The following GOLT1B variants were observed in gnomAD, a reference collection of about 807,000 sequenced individuals.
The protein encoded by GOLT1B is vesicle transport protein GOT1B.
In GOLT1B, 3 loss-of-function variants were observed where a neutral mutation model predicts 15.4. The observed-to-expected ratio is 0.19, with a 90% CI of 0.09 to 0.50. The LOEUF is 0.50. Among genes scored for constraint, GOLT1B ranks in the 20% least tolerant of loss-of-function variants. GOLT1B has a pLI of 0.97. For synonymous variants in GOLT1B, 65 were observed against 56.2 expected (o/e 1.16, Z -0.70); for missense variants, 145 against 160.4 (o/e 0.90, Z 0.52).
At chr12:21,507,645 T>A (rs939956852) in intron 2 of GOLT1B, among the ~76,000 whole-genome samples, 1 of 152,080 alleles carries the variant, frequency 6.6e-6, no homozygotes, top group Non-Finnish European at 1.5e-5. Flanking sequence ...ATAGCATTAG[T>A]ATCCTAGAAT....
chr12:21,509,481 A>G (rs1307249777), intron 3 of GOLT1B, among the ~76,000 whole-genome samples: 1 of 151,714 alleles, frequency 6.6e-6, no homozygotes, highest in East Asian at 1.9e-4. Context: ...CCAGAAATGC[A>G]TATCCTTTGT....
chr12:21,506,363 G>T (rs1943678621), intron 1 of GOLT1B, among the ~76,000 whole-genome samples: 1 of 152,058 alleles, frequency 6.6e-6, no homozygotes, highest in South Asian at 2.1e-4. Context: ...TGTTGCCATT[G>T]TGACAAGCAG....
At chr12:21,511,098 C>T (rs899900658) in intron 3 of GOLT1B, among the ~76,000 whole-genome samples, 2 of 152,132 alleles carry the variant, frequency 1.3e-5, no homozygotes, top group African/African-American at 4.8e-5. Flanking sequence ...CACAACTGTC[C>T]TCCACTCCCA....
Position 21,518,246 on chromosome 12 carries a change from T to C in GOLT1B, c.*2539T>C, listed in dbSNP as rs139781385. 1.2e-4 allele frequency: 18 copies of C among 152,300 alleles called. No individual in the cohort carries two copies. The East Asian group carries it at 3.5e-3, about 29-fold the overall frequency. 9.4% of individuals were successfully genotyped at this position (152,300 alleles called of 1,614,324 possible). A position where few individuals can be genotyped will look rare whatever the true frequency, so the allele number is the denominator to read the frequency against. On this transcript the variant is annotated 3_prime_UTR_variant, in exon 5 of 5. Transcript: ENST00000229314. ...CCTCATTTTTAAAAAATTAGCCTTA[T>C]ATGCAGTGTTCTATTTATCAAATGA...
At chr12:21,515,632 G>C in intron 4 of GOLT1B, 37 bp from the exon 5 acceptor site, 1 of 1,075,562 alleles carries the variant, frequency 9.3e-7, no homozygotes, top group Non-Finnish European at 1.4e-6. Flanking sequence ...TAATGTTCCG[G>C]GCTTTCTTTA....
At chr12:21,509,607 A>G (rs1332680920) in intron 3 of GOLT1B, among the ~76,000 whole-genome samples, 1 of 152,152 alleles carries the variant, frequency 6.6e-6, no homozygotes, top group Non-Finnish European at 1.5e-5. Flanking sequence ...AAAAATACCA[A>G]TAGGATATAG....
intron 4 of GOLT1B, among the ~76,000 whole-genome samples, chr12:21,514,910 G>A (rs1943745233): frequency 6.6e-6 from 1 of 151,158 alleles, no homozygotes; most frequent in Non-Finnish European, 1.5e-5. Flanking sequence ...GAATTTGATA[G>A]TATAACCACC....
intron 3 of GOLT1B, among the ~76,000 whole-genome samples, chr12:21,510,463 A>C (rs907615876): frequency 1.3e-5 from 2 of 152,174 alleles, no homozygotes; most frequent in South Asian, 2.1e-4. Context: ...TATCATCGAC[A>C]AGCTTGGAGT....
chr12:21,510,871 T>TG lies in GOLT1B; in HGVS notation c.297-1424_297-1423insG, dbSNP rs775373686. On this transcript the variant is annotated intron_variant, in intron 3 of 4. Coordinates refer to ENST00000229314, the MANE Select transcript of GOLT1B (RefSeq NM_016072.5). The stretch of plus-strand genomic sequence containing the variant: ...AATTGTATTCATTGTAGTATTTTCA[T>TG]CCCTATCTAACTCTGTGAAGAAAAC... 3.3e-5 allele frequency among the ~76,000 whole-genome samples: 5 copies of TG among 152,234 alleles called. No individual in the cohort carries two copies. The East Asian group carries it at 9.6e-4, about 29-fold the overall frequency.
rs977297795 is a variant in GOLT1B, at chr12:21,509,782, A to G, written c.296+1221A>G. On this transcript the variant is annotated intron_variant, in intron 3 of 4. Transcript: ENST00000229314. ...AAGGGAACGACAGTTAACAGAAGGA[A>G]CAGACAGGGCCATAAAAACACACAG... is the stretch of plus-strand genomic sequence containing the variant. Among the ~76,000 whole-genome samples, 14 of 152,236 alleles carry G rather than the reference A, an allele frequency of 9.2e-5. No homozygotes were observed. The South Asian group carries it at 2.5e-3, about 27-fold the overall frequency.
intron 3 of GOLT1B, among the ~76,000 whole-genome samples, chr12:21,510,972 G>C (rs1017752575): frequency 3.3e-5 from 5 of 152,098 alleles, no homozygotes; most frequent in African/African-American, 1.2e-4. Flanking sequence ...GGGTTTTCCC[G>C]ATATCGCAAT....
rs1319189491 is a variant in GOLT1B, at chr12:21,517,511, A to G, written c.*1804A>G. 6.6e-6 allele frequency: 1 copy of G among 152,144 alleles called. No homozygotes were observed. The highest frequency in any genetic ancestry group is 6.5e-5 in the Admixed American group (1 of 15,282). 9.4% of individuals were successfully genotyped at this position (152,144 alleles called of 1,614,324 possible). Reference sequence around the variant, plus strand: ...CATATTTTTGACCCATATTATTTACAATGTCTTGATAATTCTACCTTTTTA... The same window carrying G: ...CATATTTTTGACCCATATTATTTACGATGTCTTGATAATTCTACCTTTTTA... On this transcript the variant is annotated 3_prime_UTR_variant, in exon 5 of 5. Transcript: ENST00000229314.
chr12:21,511,781 C>T (rs1943721818), intron 3 of GOLT1B, among the ~76,000 whole-genome samples: 1 of 152,208 alleles, frequency 6.6e-6, no homozygotes, highest in South Asian at 2.1e-4. Flanking sequence ...CTATTTCATT[C>T]TCTTCCTATA....
At chr12:21,508,620 C>G (rs1943696399) in intron 3 of GOLT1B, 59 bp downstream of exon 3, 3 of 833,386 alleles carry the variant, frequency 3.6e-6, no homozygotes, top group Non-Finnish European at 6.0e-6. Context: ...AGTACAAAAA[C>G]TCAGATATTT....
At chr12:21,502,891 A>G (rs536538424) in intron 1 of GOLT1B, among the ~76,000 whole-genome samples, 129 of 152,276 alleles carry the variant, frequency 8.5e-4, no homozygotes, top group Non-Finnish European at 1.6e-3. Flanking sequence ...ATATTTTAAG[A>G]CTTAAACAGT....
chr12:21,515,286 T>A, intron 4 of GOLT1B: 1 of 1,332,874 alleles, frequency 7.5e-7, no homozygotes, highest in Non-Finnish European at 1.0e-6. Flanking sequence ...TTGAAATATC[T>A]TATTGGGTTC....
chr12:21,511,326 G>C (rs934023804), intron 3 of GOLT1B, among the ~76,000 whole-genome samples: 2 of 151,930 alleles, frequency 1.3e-5, no homozygotes, highest in African/African-American at 4.8e-5. Context: ...GAGGGTCGCA[G>C]ATCCCCCCCC....
At chr12:21,515,028 G>C (rs1476809327) in intron 4 of GOLT1B, among the ~76,000 whole-genome samples, 1 of 150,684 alleles carries the variant, frequency 6.6e-6, no homozygotes, top group Non-Finnish European at 1.5e-5. Context: ...TTTATGTTTG[G>C]GGTGGAGTAA....
At position 21,508,471 on chromosome 12, in the gene GOLT1B, G is replaced by GT. The variant is rs1431738724; in HGVS notation, c.213dup (p.Leu72SerfsTer39). The stretch of plus-strand genomic sequence containing the variant: ...CAAAAACATAAAATGAAAGCTACAG[G>GT]TTTTTTTCTGGGTGGTGTATTTGTA... On this transcript the variant is annotated frameshift_variant, in exon 3 of 5. Coordinates refer to ENST00000229314, the MANE Select transcript of GOLT1B (RefSeq NM_016072.5). LOFTEE classifies it high-confidence loss of function. 2 of 1,587,222 alleles carry GT rather than the reference G, an allele frequency of 1.3e-6. No individual in the cohort carries two copies. The highest frequency in any genetic ancestry group is 1.7e-6 in the Non-Finnish European group (2 of 1,157,370).
Sources: gnomAD v4.1 joint callset for allele counts (sites outside exome capture counted in the v4.1 genomes callset) on GRCh38, gnomAD v4.1.1 for gene constraint, MANE v1.5 for transcripts, NCBI Gene and HGNC (gene_info 2026-07-23, HGNC 2026-07-21) for gene names.